EPHA3: variants seen among roughly 807,000 people sequenced by gnomAD.
EPHA3 encodes the protein EPH receptor A3.
A neutral mutation model predicts 107.1 loss-of-function variants in EPHA3; 42 were observed. The ratio of observed to expected loss-of-function variants is 0.39; its 90% CI spans 0.31 to 0.51. The LOEUF is 0.51. EPHA3 is among the 20% of genes least tolerant of loss of function. The pLI, the probability that EPHA3 is intolerant of heterozygous loss-of-function variation, is 0.78. For missense variants in EPHA3, 1,183 were observed against 1,211.2 expected, an observed-to-expected ratio of 0.98 and a Z score of 0.35; for synonymous variants, 461 against 424.8, an observed-to-expected ratio of 1.09 and a Z score of -1.05.
intron 2 of EPHA3, among the ~76,000 whole-genome samples, chr3:89,150,038 A>C (rs1164352203): frequency 6.6e-6 from 1 of 151,988 alleles, no homozygotes; most frequent in Non-Finnish European, 1.5e-5. Flanking sequence ...GTTGTTTCAA[A>C]GGTCCTGTGG....
At chr3:89,174,330 A>G (rs1286093319) in intron 2 of EPHA3, among the ~76,000 whole-genome samples, 1 of 152,016 alleles carries the variant, frequency 6.6e-6, no homozygotes, top group Non-Finnish European at 1.5e-5. Context: ...ATCATCCACG[A>G]GTAATCTGAA....
chr3:89,187,086 A>C (rs1185902285), intron 2 of EPHA3, among the ~76,000 whole-genome samples: 1 of 151,736 alleles, frequency 6.6e-6, no homozygotes, highest in Non-Finnish European at 1.5e-5. Context: ...TATATGTAGA[A>C]TTTACTCTTT....
intron 2 of EPHA3, among the ~76,000 whole-genome samples, chr3:89,172,667 T>C (rs1198784815): frequency 6.6e-6 from 1 of 152,182 alleles, no homozygotes; most frequent in African/African-American, 2.4e-5. Context: ...CAAGATTCCC[T>C]ATCACTTCAC....
intron 2 of EPHA3, among the ~76,000 whole-genome samples, chr3:89,185,869 TTG>T (rs1331709515): frequency 6.6e-6 from 1 of 152,110 alleles, no homozygotes; most frequent in Admixed American, 6.6e-5. Context: ...TAGTGGAATG[TTG>T]TCTTTTGAAA....
At chr3:89,477,967 A>G (rs1457933626) in intron 16 of EPHA3, among the ~76,000 whole-genome samples, 1 of 152,218 alleles carries the variant, frequency 6.6e-6, no homozygotes, top group African/African-American at 2.4e-5. Flanking sequence ...ACAAGAAAAG[A>G]AAACAGAAAG....
intron 7 of EPHA3, 74 bp downstream of exon 7, chr3:89,399,554 C>T: frequency 1.3e-6 from 2 of 1,574,610 alleles, no homozygotes; most frequent in Non-Finnish European, 1.7e-6. Context: ...TTTATTCTCA[C>T]TGTTTCTAAG....
chr3:89,432,458 T>C (rs1409238649), intron 13 of EPHA3, among the ~76,000 whole-genome samples: 2 of 151,958 alleles, frequency 1.3e-5, no homozygotes, highest in Non-Finnish European at 2.9e-5. Context: ...TTACGACTCA[T>C]TGTAGCAGCC....
At chr3:89,439,596 G>A (rs187286489) in intron 13 of EPHA3, among the ~76,000 whole-genome samples, 6 of 152,086 alleles carry the variant, frequency 3.9e-5, no homozygotes, top group African/African-American at 1.4e-4. Flanking sequence ...TTCAGACTTT[G>A]AAATGAATCA....
chr3:89,343,255 A>G (rs1326930478), intron 5 of EPHA3, among the ~76,000 whole-genome samples: 4 of 152,206 alleles, frequency 2.6e-5, no homozygotes, highest in Non-Finnish European at 5.9e-5. Context: ...AGGTTAGTTC[A>G]ACTAGTAAAG....
intron 2 of EPHA3, among the ~76,000 whole-genome samples, chr3:89,175,702 C>T (rs1330567458): frequency 6.6e-6 from 1 of 152,004 alleles, no homozygotes; most frequent in African/African-American, 2.4e-5. Context: ...TTGATTTATA[C>T]AAGTTAATTA....
chr3:89,311,299 A>T (rs1706760794), intron 3 of EPHA3, among the ~76,000 whole-genome samples: 1 of 152,074 alleles, frequency 6.6e-6, no homozygotes, highest in Non-Finnish European at 1.5e-5. Flanking sequence ...ATGAAACTTG[A>T]TAAAAGAGTG....
chr3:89,263,912 A>G (rs756013074), intron 3 of EPHA3, among the ~76,000 whole-genome samples: 1 of 152,032 alleles, frequency 6.6e-6, no homozygotes, highest in Non-Finnish European at 1.5e-5. Flanking sequence ...GTAAGGTTAC[A>G]TTCCGAAGTT....
At chr3:89,120,404 C>T (rs1166221206) in intron 1 of EPHA3, among the ~76,000 whole-genome samples, 1 of 152,156 alleles carries the variant, frequency 6.6e-6, no homozygotes, top group Non-Finnish European at 1.5e-5. Flanking sequence ...TTAAGTCAGG[C>T]TGTTAGTGCA....
At chr3:89,244,002 T>C (rs1704973093) in intron 3 of EPHA3, among the ~76,000 whole-genome samples, 1 of 152,200 alleles carries the variant, frequency 6.6e-6, no homozygotes, top group Admixed American at 6.5e-5. Context: ...CTATTACTTC[T>C]GACAATACTT....
At chr3:89,269,310 C>T (rs1488346440) in intron 3 of EPHA3, among the ~76,000 whole-genome samples, 1 of 152,032 alleles carries the variant, frequency 6.6e-6, no homozygotes, top group Non-Finnish European at 1.5e-5. Flanking sequence ...ACATTAGTTT[C>T]CAAAATGTGA....
intron 3 of EPHA3, among the ~76,000 whole-genome samples, chr3:89,262,963 CTTTTTTTTT>C (rs532365863): frequency 0.22 from 21,154 of 97,488 alleles, 1,938 homozygotes; most frequent in Middle Eastern, 0.37. Flanking sequence ...TTACAGCGCT[CTTTTTTTTT>C]TTTTTTTTTT....
intron 3 of EPHA3, among the ~76,000 whole-genome samples, chr3:89,307,005 T>G (rs984061418): frequency 6.6e-6 from 1 of 152,190 alleles, no homozygotes; most frequent in African/African-American, 2.4e-5. Flanking sequence ...ATTATCAAAT[T>G]TAAAAGAACA....
intron 13 of EPHA3, among the ~76,000 whole-genome samples, chr3:89,443,547 A>G (rs1003431755): frequency 5.3e-5 from 8 of 152,340 alleles, no homozygotes; most frequent in African/African-American, 1.4e-4. Flanking sequence ...CTCATTATCA[A>G]CTGAAAATGA....
At chr3:89,440,841 G>A (rs114824689) in intron 13 of EPHA3, among the ~76,000 whole-genome samples, 1,526 of 152,222 alleles carry the variant, frequency 0.01, 27 homozygotes, top group African/African-American at 0.035. Context: ...CTCTATAGAC[G>A]TAAATCGAGG....
Sources: gnomAD v4.1 joint callset for allele counts (sites outside exome capture counted in the v4.1 genomes callset) on GRCh38, gnomAD v4.1.1 for gene constraint, MANE v1.5 for transcripts, NCBI Gene and HGNC (gene_info 2026-07-23, HGNC 2026-07-21) for gene names.